The following RETREG1 variants were observed in gnomAD, a reference collection of about 807,000 sequenced individuals.
RETREG1 encodes the protein reticulophagy regulator 1.
Under a neutral mutation model 54.8 loss-of-function variants are expected in RETREG1, and 44 were observed. That is an observed-to-expected ratio of 0.80 (90% CI 0.63 to 1.03). RETREG1 has a LOEUF of 1.03. Among genes scored for constraint, RETREG1 ranks in the 50% least tolerant of loss-of-function variants. RETREG1 has a pLI of 0.00. For synonymous variants in RETREG1, 217 were observed against 238.5 expected, an observed-to-expected ratio of 0.91 and a Z score of 0.83; for missense variants, 554 against 605.1, an observed-to-expected ratio of 0.92 and a Z score of 0.89.
At chr5:16,497,686 T>A (rs1739520892) in intron 3 of RETREG1, among the ~76,000 whole-genome samples, 1 of 152,178 alleles carries the variant, frequency 6.6e-6, no homozygotes, top group Non-Finnish European at 1.5e-5. Flanking sequence ...TCTGTCCTCA[T>A]CTCGGGATAG....
intron 1 of RETREG1, among the ~76,000 whole-genome samples, chr5:16,582,926 C>T (rs1025155107): frequency 6.6e-6 from 1 of 152,176 alleles, no homozygotes; most frequent in Non-Finnish European, 1.5e-5. Flanking sequence ...GGACCCCTGC[C>T]ATTTGGCCCT....
Position 16,483,488 on chromosome 5 carries a change from G to T in RETREG1, c.459-16C>A, listed in dbSNP as rs1561081095. Reference sequence around the variant, plus strand: ...AACTTCCCAGCTAAAGAGACAAAAAGAAAAAAAATACTACTGAACTTTGGA... The same window carrying T: ...AACTTCCCAGCTAAAGAGACAAAAATAAAAAAAATACTACTGAACTTTGGA... On this transcript the variant is annotated splice_polypyrimidine_tract_variant and intron_variant, in intron 3 of 8. Transcript: ENST00000306320. 1 of 1,611,114 alleles carries T rather than the reference G, an allele frequency of 6.2e-7. No homozygotes were observed. The highest frequency in any genetic ancestry group is 2.2e-5 in the East Asian group (1 of 44,810).
At chr5:16,525,540 T>C (rs1197820852) in intron 3 of RETREG1, among the ~76,000 whole-genome samples, 1 of 152,174 alleles carries the variant, frequency 6.6e-6, no homozygotes, top group Non-Finnish European at 1.5e-5. Context: ...GCAAGTCAGC[T>C]GGGAAACAGG....
intron 2 of RETREG1, among the ~76,000 whole-genome samples, 180 bp from the exon 3 acceptor site, chr5:16,565,973 C>T (rs1741996570): frequency 6.6e-6 from 1 of 152,224 alleles, no homozygotes; most frequent in South Asian, 2.1e-4. Flanking sequence ...GCAATTCGTC[C>T]ACATATACTT....
chr5:16,499,489 AG>A (rs1739612987), intron 3 of RETREG1, among the ~76,000 whole-genome samples: 1 of 152,222 alleles, frequency 6.6e-6, no homozygotes, highest in African/African-American at 2.4e-5. Context: ...TAATTTTTAG[AG>A]GTATCATTTT....
intron 3 of RETREG1, among the ~76,000 whole-genome samples, chr5:16,545,126 G>C (rs1213761270): frequency 6.6e-6 from 1 of 152,120 alleles, no homozygotes; most frequent in Admixed American, 6.6e-5. Context: ...CCAGTATGTG[G>C]AGAGTCCTGT....
rs112322160 is a variant in RETREG1, at chr5:16,565,959, T to G, written c.428-166A>C. On this transcript the variant is annotated intron_variant, in intron 2 of 8. Transcript: ENST00000306320. ...GTACACTGCTGGCACCATGGCTAATTCAGGCAATTCGTCCACATATACTTA... is the reference window on the plus strand; with the variant it reads ...GTACACTGCTGGCACCATGGCTAATGCAGGCAATTCGTCCACATATACTTA... Among the ~76,000 whole-genome samples the G allele has an allele frequency of 5.0e-3, 758 of 152,358 alleles. 5 individuals carry two copies. Among genetic ancestry groups the G allele is most frequent in the African/African-American group, 0.018 (729 of 41,584 alleles).
intron 3 of RETREG1, among the ~76,000 whole-genome samples, chr5:16,488,178 G>T (rs10069330): frequency 2.4e-4 from 36 of 152,018 alleles, no homozygotes; most frequent in Admixed American, 2.2e-3. Flanking sequence ...ATAAAGAGGA[G>T]GGAGACTTCT....
intron 3 of RETREG1, among the ~76,000 whole-genome samples, chr5:16,534,739 G>C (rs987552246): frequency 2.6e-5 from 4 of 152,182 alleles, no homozygotes; most frequent in African/African-American, 9.7e-5. Context: ...GCTAAGAAGA[G>C]AAGCCCCCCT....
In RETREG1 at chr5:16,550,446, A is replaced by G. The variant is rs117052472; in HGVS notation, c.458+15317T>C. 1.4e-3 allele frequency among the ~76,000 whole-genome samples: 213 copies of G among 152,076 alleles called. 6 individuals carry two copies. The East Asian group carries it at 0.033, about 24-fold the overall frequency. On this transcript the variant is annotated intron_variant, in intron 3 of 8. Transcript: ENST00000306320. ...CTGCAGTTACTTAATGCTATCGTCAATTTTCCAATATTTATGGATGATGAG... is the reference window on the plus strand; with the variant it reads ...CTGCAGTTACTTAATGCTATCGTCAGTTTTCCAATATTTATGGATGATGAG...
At chr5:16,581,613 C>G (rs1390706766) in intron 1 of RETREG1, among the ~76,000 whole-genome samples, 1 of 151,982 alleles carries the variant, frequency 6.6e-6, no homozygotes, top group African/African-American at 2.4e-5. Context: ...CGAATTAGCC[C>G]AGGCACTTGT....
At chr5:16,526,643 A>G (rs1740724254) in intron 3 of RETREG1, among the ~76,000 whole-genome samples, 1 of 152,246 alleles carries the variant, frequency 6.6e-6, no homozygotes, top group African/African-American at 2.4e-5. Flanking sequence ...TAACAAATAC[A>G]TGTCAGTTAC....
At chr5:16,485,549 T>C (rs1427654408) in intron 3 of RETREG1, among the ~76,000 whole-genome samples, 1 of 152,226 alleles carries the variant, frequency 6.6e-6, no homozygotes, top group Non-Finnish European at 1.5e-5. Flanking sequence ...GATTCATGTC[T>C]TGGAAATGAC....
At position 16,475,162 on chromosome 5, in the gene RETREG1, C is replaced by A. The variant is rs772681100; in HGVS notation, c.1073G>T (p.Gly358Val). The change falls in exon 9 of 9, where the codon GGA becomes GTA. Residue 358 changes from glycine to valine, a missense_variant. Around this residue, in one of 4 missense-constraint regions of RETREG1, gnomAD observed 347 missense variants for 412.3 expected, o/e 0.84. Transcript: ENST00000306320. ...GCTTAATTCATCTTCATCATTTGTT[C>A]CCATGCCATTTTCTAGAGATGGAAA... Reference protein sequence around the residue: ...SDFPSLENGMGTNDEDELSLG... With the variant: ...SDFPSLENGMVTNDEDELSLG... The A allele has an allele frequency of 1.1e-5, 18 of 1,613,862 alleles. No individual in the cohort carries two copies. Among genetic ancestry groups the A allele is most frequent in the Non-Finnish European group, 1.5e-5 (18 of 1,179,886 alleles).
intron 1 of RETREG1, among the ~76,000 whole-genome samples, chr5:16,578,428 A>C (rs1419605685): frequency 1.3e-5 from 2 of 152,240 alleles, no homozygotes; most frequent in African/African-American, 4.8e-5. Flanking sequence ...TTTTCTTTAA[A>C]AAGTAATTGA....
chr5:16,515,278 T>A (rs1286397133), intron 3 of RETREG1, among the ~76,000 whole-genome samples: 2 of 152,172 alleles, frequency 1.3e-5, no homozygotes, highest in Admixed American at 1.3e-4. Context: ...AAGAAACAAG[T>A]GCAAAGAATC....
chr5:16,543,108 C>T (rs2126608517), intron 3 of RETREG1, among the ~76,000 whole-genome samples: 1 of 152,234 alleles, frequency 6.6e-6, no homozygotes, highest in Middle Eastern at 3.4e-3. Context: ...TTTTATCTGG[C>T]TTCTTTTATC....
At chr5:16,501,737 G>GT (rs1202203667) in intron 3 of RETREG1, among the ~76,000 whole-genome samples, 52 of 151,528 alleles carry the variant, frequency 3.4e-4, no homozygotes, top group African/African-American at 1.2e-3. Context: ...TAGAGACAAG[G>GT]TTTCACCATG....
At chr5:16,489,015 A>G (rs1008263830) in intron 3 of RETREG1, among the ~76,000 whole-genome samples, 5 of 136,404 alleles carry the variant, frequency 3.7e-5, no homozygotes, top group African/African-American at 1.4e-4. Context: ...CCCAGGAGGC[A>G]GGGGCTGCAA....
Sources: allele counts gnomAD v4.1 joint callset (sites outside exome capture counted in the v4.1 genomes callset), GRCh38; gene constraint gnomAD v4.1.1; regional missense constraint gnomAD v4.1.1; transcripts MANE v1.5; gene names NCBI Gene and HGNC (gene_info 2026-07-23, HGNC 2026-07-21).